TANC1: variants seen among roughly 807,000 people sequenced by gnomAD.
TANC1 encodes tetratricopeptide repeat, ankyrin repeat and coiled-coil containing 1.
A neutral mutation model predicts 149.7 loss-of-function variants in TANC1; 77 were observed. The observed-to-expected ratio is 0.51, with a 90% confidence interval of 0.43 to 0.62. TANC1 has a LOEUF of 0.62. Among genes scored for constraint, TANC1 ranks in the 20% least tolerant of loss-of-function variants. The probability of loss-of-function intolerance (pLI) is 0.00; values close to 1 mark genes in which losing one functional copy is unlikely to be tolerated. For missense variants in TANC1, 1,985 were observed against 2,321.8 expected, an observed-to-expected ratio of 0.85 and a Z score of 2.98; for synonymous variants, 854 against 925.0, an observed-to-expected ratio of 0.92 and a Z score of 1.39.
intron 1 of TANC1, among the ~76,000 whole-genome samples, chr2:158,995,263 A>G (rs2036027069): frequency 6.6e-6 from 1 of 152,136 alleles, no homozygotes; most frequent in Non-Finnish European, 1.5e-5. Context: ...AGTTTTGTGT[A>G]TTGAAAATTG....
intron 5 of TANC1, among the ~76,000 whole-genome samples, chr2:159,142,049 T>C (rs867054559): frequency 6.6e-6 from 1 of 152,222 alleles, no homozygotes; most frequent in African/African-American, 2.4e-5. Context: ...CTTGAAGTTA[T>C]AGGTATGTGA....
In TANC1 at chr2:159,169,307, C is replaced by G. The variant is rs2054929556; in HGVS notation, c.1004C>G (p.Pro335Arg). Residue 335 changes from proline (P) to arginine (R), a missense_variant, in exon 9 of 27, where the codon CCT becomes CGT. Physicochemically the swap from Pro to Arg is moderately radical, Grantham distance 103 (BLOSUM62 -2). Coordinates refer to ENST00000263635, the MANE Select transcript of TANC1 (RefSeq NM_033394.3). Reference sequence around the variant, plus strand: ...TATTTAGACGGGCAGAGAAATGCTCCTCTACGGACGTCAATTAGATTACCA... The same window carrying G: ...TATTTAGACGGGCAGAGAAATGCTCGTCTACGGACGTCAATTAGATTACCA... The part of the protein sequence containing the change: ...LSYLDGQRNA[P>R]LRTSIRLPWH... 2 of 1,613,620 alleles carry G rather than the reference C, an allele frequency of 1.2e-6. No homozygotes were observed. Among genetic ancestry groups the G allele is most frequent in the Middle Eastern group, 1.6e-4 (1 of 6,062 alleles).
chr2:159,164,165 C>G (rs1461930172), intron 8 of TANC1, among the ~76,000 whole-genome samples: 1 of 151,966 alleles, frequency 6.6e-6, no homozygotes, highest in African/African-American at 2.4e-5. Flanking sequence ...AGACTGGTCA[C>G]CAGGTGTGTG....
At chr2:159,053,942 C>T (rs1270852432) in intron 2 of TANC1, among the ~76,000 whole-genome samples, 2 of 152,160 alleles carry the variant, frequency 1.3e-5, no homozygotes, top group Admixed American at 6.5e-5. Flanking sequence ...ACTGATAACT[C>T]GAGGGACTGT....
intron 19 of TANC1, among the ~76,000 whole-genome samples, chr2:159,201,603 T>A (rs952447730): frequency 1.3e-5 from 2 of 152,166 alleles, no homozygotes; most frequent in Non-Finnish European, 2.9e-5. Context: ...CTGGGTGTAG[T>A]CAATGGTGTT....
At position 159,227,850 on chromosome 2, in the gene TANC1, A is replaced by G. The variant is rs1018029492; in HGVS notation, c.3935A>G (p.Tyr1312Cys). ...AAAATGAAAGAGGCAGCCCAGAGGT[A>G]CCAGTATGCCTTAAGAAAGTTTCCT... is the stretch of plus-strand genomic sequence containing the variant. ...KGKMKEAAQRYQYALRKFPRE... is the reference protein window; with the variant it reads ...KGKMKEAAQRCQYALRKFPRE... The change falls in exon 25 of 27, where the codon TAC becomes TGC. Residue 1312 changes from tyrosine to cysteine, a missense_variant. By Grantham distance (194) the Tyr-to-Cys change is radical. Transcript: ENST00000263635. The G allele has an allele frequency of 1.2e-6, 2 of 1,614,178 alleles. No homozygotes were observed. Among genetic ancestry groups the G allele is most frequent in the South Asian group, 2.2e-5 (2 of 91,070 alleles).
At chr2:159,057,087 C>T (rs1416990020) in intron 2 of TANC1, among the ~76,000 whole-genome samples, 1 of 152,132 alleles carries the variant, frequency 6.6e-6, no homozygotes, top group African/African-American at 2.4e-5. Context: ...AGCTGTTCAG[C>T]TGTCCGTTTT....
chr2:159,017,977 T>C (rs1460439586), intron 2 of TANC1, among the ~76,000 whole-genome samples: 1 of 152,226 alleles, frequency 6.6e-6, no homozygotes, highest in Non-Finnish European at 1.5e-5. Context: ...ATTTATAGCC[T>C]GGTGGAACTC....
intron 2 of TANC1, among the ~76,000 whole-genome samples, chr2:159,059,288 A>G (rs1045969202): frequency 6.6e-6 from 1 of 152,158 alleles, no homozygotes; most frequent in African/African-American, 2.4e-5. Context: ...GAATTACTTG[A>G]GCCCAGGAGT....
chr2:159,058,578 A>T (rs2042018258), intron 2 of TANC1, among the ~76,000 whole-genome samples: 2 of 152,174 alleles, frequency 1.3e-5, no homozygotes. Flanking sequence ...ACAAGGCAGG[A>T]TGTAGAATTA....
chr2:159,018,661 C>T (rs1373154003), intron 2 of TANC1, among the ~76,000 whole-genome samples: 1 of 152,192 alleles, frequency 6.6e-6, no homozygotes, highest in East Asian at 1.9e-4. Flanking sequence ...TTCTCCTTCC[C>T]TCAGCCCCTC....
At chr2:159,110,215 G>A (rs1251807794) in intron 4 of TANC1, among the ~76,000 whole-genome samples, 4 of 152,218 alleles carry the variant, frequency 2.6e-5, no homozygotes, top group African/African-American at 9.7e-5. Context: ...GAGGTCCCCT[G>A]AAATGAGTGA....
intron 3 of TANC1, among the ~76,000 whole-genome samples, chr2:159,094,775 G>GTGT (rs1491462203): frequency 7.0e-6 from 1 of 142,696 alleles, no homozygotes; most frequent in Non-Finnish European, 1.5e-5. Flanking sequence ...GTGTGTGTGT[G>GTGT]GGGGGGGGGT....
intron 4 of TANC1, among the ~76,000 whole-genome samples, chr2:159,135,097 C>T (rs1254873971): frequency 6.6e-6 from 1 of 152,158 alleles, no homozygotes; most frequent in Non-Finnish European, 1.5e-5. Flanking sequence ...TACCATTACC[C>T]CACAGGCCTG....
At chr2:159,185,990 A>G in intron 15 of TANC1, 91 bp downstream of exon 15, 1 of 959,490 alleles carries the variant, frequency 1.0e-6, no homozygotes. Context: ...CAGCCATCCA[A>G]GAAACGCTCC....
At chr2:159,098,965 C>G (rs1164484894) in intron 4 of TANC1, among the ~76,000 whole-genome samples, 1 of 151,966 alleles carries the variant, frequency 6.6e-6, no homozygotes, top group Admixed American at 6.6e-5. Context: ...GTGCCTAGGG[C>G]TGTGAAATGG....
intron 16 of TANC1, among the ~76,000 whole-genome samples, chr2:159,188,283 G>T (rs1163220279): frequency 6.6e-6 from 1 of 152,246 alleles, no homozygotes; most frequent in Non-Finnish European, 1.5e-5. Flanking sequence ...ATACAGGAAT[G>T]AATGTCATTT....
At chr2:159,119,946 AGAG>A (rs1383014424) in intron 4 of TANC1, among the ~76,000 whole-genome samples, 2 of 152,212 alleles carry the variant, frequency 1.3e-5, no homozygotes, top group African/African-American at 4.8e-5. Context: ...CAATGAGGTC[AGAG>A]GAGGACAGTG....
intron 4 of TANC1, among the ~76,000 whole-genome samples, chr2:159,123,248 G>A (rs2049041348): frequency 6.6e-6 from 1 of 152,112 alleles, no homozygotes; most frequent in Admixed American, 6.5e-5. Flanking sequence ...TTCCGATGGT[G>A]ATTTTTTTCT....
Sources: allele counts gnomAD v4.1 joint callset (sites outside exome capture counted in the v4.1 genomes callset), GRCh38; gene constraint gnomAD v4.1.1; transcripts MANE v1.5; gene names NCBI Gene and HGNC (gene_info 2026-07-23, HGNC 2026-07-21).